HYAL4: variants seen among roughly 807,000 people sequenced by gnomAD.
HYAL4 encodes hyaluronidase 4.
HYAL4 carries 37 observed loss-of-function variants against 35.2 expected under a neutral mutation model. The ratio of observed to expected loss-of-function variants is 1.05; its 90% CI spans 0.81 to 1.38. The LOEUF (loss-of-function observed/expected upper bound fraction) is 1.38, where lower values mean the gene tolerates loss of function less well. Among genes scored for constraint, HYAL4 ranks in the 40% most tolerant of loss-of-function variants. The pLI, the probability that HYAL4 is intolerant of heterozygous loss-of-function variation, is 0.00. For missense variants in HYAL4, 572 were observed against 572.4 expected, an observed-to-expected ratio of 1.00 and a Z score of 0.01; for synonymous variants, 198 against 203.2, an observed-to-expected ratio of 0.97 and a Z score of 0.22.
At chr7:123,786,599 T>G in the HYAL4 span, among the ~76,000 whole-genome samples, 32 of 151,976 alleles carry the variant, frequency 2.1e-4, no homozygotes, top group African/African-American at 7.5e-4. Flanking sequence ...TGGGGAAACA[T>G]TAAAGTAATC....
chr7:123,788,071 A>G, the HYAL4 span, among the ~76,000 whole-genome samples: 12 of 152,172 alleles, frequency 7.9e-5, no homozygotes, highest in Non-Finnish European at 1.3e-4. Context: ...TAATCCCAGC[A>G]CTTTGTGCAG....
intron 2 of HYAL4, among the ~76,000 whole-genome samples, chr7:123,854,280 G>A (rs1488454559): frequency 6.6e-6 from 1 of 152,044 alleles, no homozygotes; most frequent in Non-Finnish European, 1.5e-5. Flanking sequence ...GAATTTGTTT[G>A]TTCTTGTTTC....
chr7:123,781,843 G>T, the HYAL4 span, among the ~76,000 whole-genome samples: 1 of 152,052 alleles, frequency 6.6e-6, no homozygotes, highest in Non-Finnish European at 1.5e-5. Context: ...TCAAATTGTG[G>T]CTTTCCTGTT....
intron 1 of HYAL4, among the ~76,000 whole-genome samples, chr7:123,845,894 G>A (rs1239655983): frequency 1.3e-5 from 2 of 152,176 alleles, no homozygotes; most frequent in Non-Finnish European, 2.9e-5. Flanking sequence ...TTTCCAGAGA[G>A]CTGAGTGGTA....
At chr7:123,857,669 G>GTTTCTTTCTTTGTTTCTTTCTTTCTTTC (rs1806478263) in intron 2 of HYAL4, among the ~76,000 whole-genome samples, 1 of 124,658 alleles carries the variant, frequency 8.0e-6, no homozygotes, top group African/African-American at 3.0e-5. Flanking sequence ...TTCTTTGTTT[G>GTTTCTTTCTTTGTTTCTTTCTTTCTTTC]TTTCTTTCTT....
the HYAL4 span, among the ~76,000 whole-genome samples, chr7:123,787,862 C>T: frequency 2.0e-5 from 3 of 152,142 alleles, no homozygotes; most frequent in Non-Finnish European, 4.4e-5. Flanking sequence ...GAGTCAACAG[C>T]AGGGAAATCC....
At chr7:123,838,872 G>A (rs1423386201) in intron 1 of HYAL4, among the ~76,000 whole-genome samples, 1 of 151,972 alleles carries the variant, frequency 6.6e-6, no homozygotes, top group Non-Finnish European at 1.5e-5. Context: ...TGAAAACCTT[G>A]TCTTAGAGCT....
chr7:123,771,873 G>A, the HYAL4 span, among the ~76,000 whole-genome samples: 1 of 149,084 alleles, frequency 6.7e-6, no homozygotes, highest in African/African-American at 2.5e-5. Context: ...ACTCAGTAAA[G>A]TACATTGCCC....
chr7:123,809,417 A>G, the HYAL4 span, among the ~76,000 whole-genome samples: 1 of 123,562 alleles, frequency 8.1e-6, no homozygotes, highest in Non-Finnish European at 1.6e-5. Flanking sequence ...TTTTTTTGAG[A>G]CAGAGTCTGA....
the HYAL4 span, among the ~76,000 whole-genome samples, chr7:123,791,794 G>T: frequency 6.6e-6 from 1 of 152,282 alleles, no homozygotes. Context: ...TCTGCTGACT[G>T]CTTAGTCACA....
chr7:123,766,454 C>T, the HYAL4 span, among the ~76,000 whole-genome samples: 1 of 152,024 alleles, frequency 6.6e-6, no homozygotes, highest in Non-Finnish European at 1.5e-5. Context: ...CCCGGGTAAC[C>T]TAAGCTTATT....
the HYAL4 span, among the ~76,000 whole-genome samples, chr7:123,779,254 G>C: frequency 6.6e-5 from 10 of 152,116 alleles, no homozygotes; most frequent in African/African-American, 2.2e-4. Context: ...ACAAGTTTGA[G>C]AATAAAAAGG....
the HYAL4 span, among the ~76,000 whole-genome samples, chr7:123,791,973 G>T: frequency 6.6e-6 from 1 of 152,158 alleles, no homozygotes; most frequent in Non-Finnish European, 1.5e-5. Flanking sequence ...CTGCAAGGTT[G>T]GGCCAATCTC....
chr7:123,801,747 A>C, the HYAL4 span, among the ~76,000 whole-genome samples: 83 of 152,294 alleles, frequency 5.4e-4, 2 homozygotes, highest in Middle Eastern at 6.8e-3. Flanking sequence ...AGTATTATAC[A>C]TCTCTTGAGT....
At chr7:123,802,028 C>T in the HYAL4 span, among the ~76,000 whole-genome samples, 3 of 152,134 alleles carry the variant, frequency 2.0e-5, no homozygotes, top group Non-Finnish European at 2.9e-5. Flanking sequence ...TCTTATTCCT[C>T]TCCAGGGGAG....
the HYAL4 span, among the ~76,000 whole-genome samples, chr7:123,799,083 T>C: frequency 3.3e-5 from 5 of 152,190 alleles, no homozygotes; most frequent in African/African-American, 2.4e-5. Context: ...TGTAAGAGGC[T>C]ATTAAATAAT....
At chr7:123,813,929 T>G in the HYAL4 span, among the ~76,000 whole-genome samples, 6 of 152,214 alleles carry the variant, frequency 3.9e-5, no homozygotes, top group African/African-American at 7.2e-5. Flanking sequence ...CTGACAAATG[T>G]GTGAAACTTT....
At chr7:123,837,255 G>T (rs1323789531) in intron 1 of HYAL4, among the ~76,000 whole-genome samples, 1 of 152,110 alleles carries the variant, frequency 6.6e-6, no homozygotes, top group Non-Finnish European at 1.5e-5. Context: ...AACTTGTAAG[G>T]TTTCTGCTGG....
chr7:123,814,873 G>T, the HYAL4 span: 2 of 147,836 alleles, frequency 1.4e-5, no homozygotes, highest in African/African-American at 5.0e-5. Context: ...AATACATTTG[G>T]ATAAAATACT....
Sources: allele counts gnomAD v4.1 joint callset (sites outside exome capture counted in the v4.1 genomes callset), GRCh38; gene constraint gnomAD v4.1.1; transcripts MANE v1.5; gene names NCBI Gene and HGNC (gene_info 2026-07-23, HGNC 2026-07-21).